FBN2: variants seen among roughly 807,000 people sequenced by gnomAD.
The protein encoded by FBN2 is fibrillin-2.
In FBN2, 105 loss-of-function variants were observed where a neutral mutation model predicts 355.6. The observed-to-expected ratio is 0.30, with a 90% CI of 0.25 to 0.35. The LOEUF is 0.35. Among genes scored for constraint, FBN2 ranks in the 10% least tolerant of loss-of-function variants. The probability of loss-of-function intolerance (pLI) is 1.00; values close to 1 mark genes in which losing one functional copy is unlikely to be tolerated. For missense variants in FBN2, 3,280 were observed against 3,758.7 expected (o/e 0.87, Z 3.33); for synonymous variants, 1,350 against 1,301.2 (o/e 1.04, Z -0.81).
chr5:128,284,254 T>C (rs143279892), intron 55 of FBN2, among the ~76,000 whole-genome samples: 28 of 152,300 alleles, frequency 1.8e-4, no homozygotes, highest in African/African-American at 6.3e-4. Context: ...GTGCTCAAAA[T>C]TCCTATTTGT....
chr5:128,395,311 A>T (rs1752618398), intron 8 of FBN2, 37 bp from the exon 9 acceptor site: 1 of 1,611,688 alleles, frequency 6.2e-7, no homozygotes, highest in African/African-American at 1.3e-5. Context: ...ATATGGCAGA[A>T]TTACCTCAGG....
At chr5:128,374,797 C>T (rs375719914) in intron 14 of FBN2, 47 bp from the exon 15 acceptor site, 138 of 1,610,512 alleles carry the variant, frequency 8.6e-5, no homozygotes, top group Non-Finnish European at 1.0e-4. Context: ...GTAAATTTAA[C>T]GTTATTACAG....
intron 62 of FBN2, among the ~76,000 whole-genome samples, chr5:128,270,491 T>C (rs1765239631): frequency 6.6e-6 from 1 of 152,172 alleles, no homozygotes; most frequent in Non-Finnish European, 1.5e-5. Context: ...ATCATGCCAC[T>C]GCACTTCAGC....
rs76439109 is a variant in FBN2, at chr5:128,405,691, T to G, written c.1078+2983A>C. 6.4e-3 allele frequency among the ~76,000 whole-genome samples: 969 copies of G among 152,322 alleles called. 12 individuals carry two copies. Among genetic ancestry groups the G allele is most frequent in the African/African-American group, 0.022 (908 of 41,572 alleles). ...GAAATGGGGAATAAAACGCTGAAAC[T>G]TGTTTTGGCAATTCTACCTCATAAC... On this transcript the variant is annotated intron_variant, in intron 8 of 64. Coordinates refer to ENST00000262464, the MANE Select transcript of FBN2 (RefSeq NM_001999.4).
rs1371796368 is a variant in FBN2 at position 128,274,550 on chromosome 5, T to A, written c.7711+17A>T. On this transcript the variant is annotated intron_variant, in intron 60 of 64. Transcript: ENST00000262464. ...ACTAGAAGTTTGTAAAATTTCCCAT[T>A]TGTAACTTTGTCTTACCGATACAAG... 7.1e-7 allele frequency: 1 copy of A among 1,418,206 alleles called. No individual in the cohort carries two copies. The highest frequency in any genetic ancestry group is 1.0e-6 in the Non-Finnish European group (1 of 1,001,130). 87.9% of individuals were successfully genotyped at this position (1,418,206 alleles called of 1,614,324 possible). A position where few individuals can be genotyped will look rare whatever the true frequency, so the allele number is the denominator to read the frequency against.
chr5:128,495,722 C>A lies in FBN2; in HGVS notation c.628+23551G>T, dbSNP rs1755639021. ...ACAAAATCAAAAGGTGGTTCTCTGG[C>A]AGATAAAGTTGGCAAACCTTTAGCT... On this transcript the variant is annotated intron_variant, in intron 5 of 64. Coordinates refer to ENST00000262464, the MANE Select transcript of FBN2 (RefSeq NM_001999.4). 4.6e-5 allele frequency among the ~76,000 whole-genome samples: 7 copies of A among 152,148 alleles called. No homozygotes were observed. The South Asian group carries it at 1.5e-3, about 32-fold the overall frequency.
In FBN2 at chr5:128,345,469, G is replaced by A. The variant is rs760855981; in HGVS notation, c.3105C>T (p.Thr1035=). ...CAGGTTTGGGGCACTCCTCACACTC[G>A]GTGCCCCAAGCCGCCCCGACAGCAC... is the stretch of plus-strand genomic sequence containing the variant. The part of the protein sequence containing the change: ...CCCAVGAAWG[T]ECEECPKPGT... Residue 1035 remains threonine (T), a synonymous_variant, in exon 24 of 65, where the codon ACC becomes ACT. Coordinates refer to ENST00000262464, the MANE Select transcript of FBN2 (RefSeq NM_001999.4). 6 of 1,614,042 alleles carry A rather than the reference G, an allele frequency of 3.7e-6. No individual in the cohort carries two copies. The highest frequency in any genetic ancestry group is 2.2e-5 in the South Asian group (2 of 91,056).
chr5:128,399,223 G>A lies in FBN2; in HGVS notation c.1079-3949C>T, dbSNP rs1442892279. On this transcript the variant is annotated intron_variant, in intron 8 of 64. Coordinates refer to ENST00000262464, the MANE Select transcript of FBN2 (RefSeq NM_001999.4). Reference sequence around the variant, plus strand: ...CAATTAGCCATACCACTGTGAAACTGCAGAACTACAAAGGTAAAGATCTTA... The same window carrying A: ...CAATTAGCCATACCACTGTGAAACTACAGAACTACAAAGGTAAAGATCTTA... Among the ~76,000 whole-genome samples, 4 of 152,260 alleles carry A rather than the reference G, an allele frequency of 2.6e-5. No individual in the cohort carries two copies. In the East Asian group the frequency reaches 7.7e-4, roughly 29 times the overall value.
At chr5:128,272,568 C>T (rs973040270) in intron 61 of FBN2, among the ~76,000 whole-genome samples, 2 of 150,570 alleles carry the variant, frequency 1.3e-5, no homozygotes, top group African/African-American at 2.4e-5. Context: ...AGAAGCATTA[C>T]AGAGATACCT....
chr5:128,526,607 A>G (rs1382303992), intron 4 of FBN2, among the ~76,000 whole-genome samples: 3 of 152,190 alleles, frequency 2.0e-5, no homozygotes, highest in African/African-American at 7.2e-5. Flanking sequence ...TGAGGGCACT[A>G]TGCTAAGTAT....
At chr5:128,354,539 A>C (rs1751452026) in intron 20 of FBN2, among the ~76,000 whole-genome samples, 1 of 152,224 alleles carries the variant, frequency 6.6e-6, no homozygotes, top group Non-Finnish European at 1.5e-5. Context: ...TAGTATGAGG[A>C]AAAGAAGGTA....
chr5:128,307,341 T>C (rs1451731108), intron 41 of FBN2, 138 bp from the exon 42 acceptor site: 6 of 674,886 alleles, frequency 8.9e-6, no homozygotes, highest in Non-Finnish European at 1.1e-5. Context: ...ATTTATTTGA[T>C]AGCAATGCCA....
intron 9 of FBN2, among the ~76,000 whole-genome samples, chr5:128,394,077 C>G (rs189080277): frequency 2.0e-5 from 3 of 152,114 alleles, no homozygotes; most frequent in Admixed American, 2.0e-4. Flanking sequence ...TTTTGTCTTA[C>G]TAATAGATTT....
chr5:128,298,167 C>G (rs2126830285), intron 48 of FBN2, among the ~76,000 whole-genome samples: 1 of 151,982 alleles, frequency 6.6e-6, no homozygotes, highest in African/African-American at 2.4e-5. Context: ...TATTGGCCGC[C>G]ACTCTCTTCT....
intron 50 of FBN2, 73 bp downstream of exon 50, chr5:128,290,659 T>C (rs1749295690): frequency 2.5e-5 from 36 of 1,430,026 alleles, no homozygotes; most frequent in Non-Finnish European, 3.3e-5. Context: ...TTAAATTACA[T>C]GGTTAAACCC....
At chr5:128,509,419 A>G (rs1306536293) in intron 5 of FBN2, among the ~76,000 whole-genome samples, 1 of 152,188 alleles carries the variant, frequency 6.6e-6, no homozygotes, top group African/African-American at 2.4e-5. Context: ...TTTCATCTGT[A>G]GAAGTTCAAT....
intron 61 of FBN2, 108 bp from the exon 62 acceptor site, chr5:128,272,226 A>C (rs781179882): frequency 3.1e-6 from 4 of 1,271,846 alleles, no homozygotes; most frequent in Non-Finnish European, 4.5e-6. Context: ...CAAACAAACA[A>C]ACAAGACATG....
At chr5:128,303,347 G>C (rs1469851860) in intron 45 of FBN2, among the ~76,000 whole-genome samples, 3 of 152,122 alleles carry the variant, frequency 2.0e-5, no homozygotes, top group Non-Finnish European at 1.5e-5. Flanking sequence ...TAGCCTAAGA[G>C]AGCATCCCCC....
chr5:128,436,666 T>TAA (rs954029413), intron 7 of FBN2, among the ~76,000 whole-genome samples: 13 of 138,048 alleles, frequency 9.4e-5, no homozygotes, highest in East Asian at 2.1e-4. Flanking sequence ...TGGCTCCACT[T>TAA]AAAAAAAAAA....
Sources: allele counts gnomAD v4.1 joint callset (sites outside exome capture counted in the v4.1 genomes callset), GRCh38; gene constraint gnomAD v4.1.1; transcripts MANE v1.5; gene names NCBI Gene and HGNC (gene_info 2026-07-23, HGNC 2026-07-21).